The following OXR1 variants were observed in gnomAD, a reference collection of about 807,000 sequenced individuals.
OXR1 encodes the protein oxidation resistance protein 1.
A neutral mutation model predicts 104.6 loss-of-function variants in OXR1; 41 were observed. The ratio of observed to expected loss-of-function variants is 0.39; its 90% CI spans 0.31 to 0.51. The LOEUF (loss-of-function observed/expected upper bound fraction) is 0.51. Among genes scored for constraint, OXR1 ranks in the 20% least tolerant of loss-of-function variants. OXR1 has a pLI of 0.77. For missense variants in OXR1, 955 were observed against 1,031.9 expected, an observed-to-expected ratio of 0.93 and a Z score of 1.02; for synonymous variants, 348 against 348.4, an observed-to-expected ratio of 1.00 and a Z score of 0.01.
rs1200756405 is a variant in OXR1, at chr8:106,313,602, GA to G, written c.-139+43236del. ...GCATGATACACCATTGCTGTTTTGT[GA>G]TGAGGAAGAACCTACCAATCCAATG... is the stretch of plus-strand genomic sequence containing the variant. On this transcript the variant is annotated intron_variant, in intron 1 of 16. Transcript: ENST00000517566. Among the ~76,000 whole-genome samples, 3 of 150,340 alleles carry G rather than the reference GA, an allele frequency of 2.0e-5. No individual in the cohort carries two copies. In the East Asian group the frequency reaches 5.9e-4, roughly 29 times the overall value.
At chr8:106,549,244 A>ATTTT (rs11420902) in intron 3 of OXR1, among the ~76,000 whole-genome samples, 1 of 144,088 alleles carries the variant, frequency 6.9e-6, no homozygotes, top group Admixed American at 7.0e-5. Context: ...CATATCAAAC[A>ATTTT]TTTTTTTTTT....
intron 3 of OXR1, among the ~76,000 whole-genome samples, chr8:106,675,191 G>C (rs1827448033): frequency 6.6e-6 from 1 of 152,110 alleles, no homozygotes; most frequent in South Asian, 2.1e-4. Flanking sequence ...GACCTACTGG[G>C]AACCAAATAA....
intron 3 of OXR1, among the ~76,000 whole-genome samples, chr8:106,647,920 T>C (rs1181440290): frequency 6.6e-6 from 1 of 152,256 alleles, no homozygotes; most frequent in East Asian, 1.9e-4. Context: ...TAGCTAGCCT[T>C]ATAATGAGAA....
intron 6 of OXR1, among the ~76,000 whole-genome samples, chr8:106,686,101 A>G (rs1356687918): frequency 2.0e-5 from 3 of 152,144 alleles, no homozygotes; most frequent in Non-Finnish European, 4.4e-5. Context: ...TAAGAATGAT[A>G]TAGTGGACTT....
chr8:106,748,965 A>G (rs1041847995), intron 16 of OXR1, among the ~76,000 whole-genome samples: 11 of 152,142 alleles, frequency 7.2e-5, no homozygotes, highest in African/African-American at 2.7e-4. Context: ...TGTAATTAAT[A>G]TACATTATAT....
chr8:106,646,762 GGC>G lies in OXR1; in HGVS notation c.221-32447_221-32446del, dbSNP rs1824121314. On this transcript the variant is annotated intron_variant, in intron 3 of 16. Coordinates refer to ENST00000517566, the MANE Select transcript of OXR1 (RefSeq NM_001198533.2). ...CTACTGCAACCTCAAAGAAAGTGCA[GGC>G]AGGAAAAGAAATCTGCAGAAGAAAG... is the stretch of plus-strand genomic sequence containing the variant. Among the ~76,000 whole-genome samples the G allele has an allele frequency of 2.0e-5, 3 of 152,170 alleles. 1 individual carries two copies. Among genetic ancestry groups the G allele is most frequent in the Admixed American group, 2.0e-4 (3 of 15,276 alleles).
intron 3 of OXR1, among the ~76,000 whole-genome samples, chr8:106,570,585 T>C (rs1817401367): frequency 6.6e-6 from 1 of 152,144 alleles, no homozygotes; most frequent in Non-Finnish European, 1.5e-5. Context: ...CTTGAGACTG[T>C]TCTCTCTTCT....
intron 2 of OXR1, among the ~76,000 whole-genome samples, chr8:106,490,822 G>T (rs1449780820): frequency 2.0e-5 from 3 of 152,176 alleles, no homozygotes; most frequent in Non-Finnish European, 1.5e-5. Flanking sequence ...AAGCACAAGA[G>T]AAGGATAAGA....
chr8:106,726,345 A>G (rs1477027824), intron 11 of OXR1: 2 of 1,079,660 alleles, frequency 1.9e-6, no homozygotes, highest in Admixed American at 5.4e-5. Context: ...TTGTATATAT[A>G]CTAGTCTTTT....
chr8:106,731,172 A>T (rs1203873711), intron 11 of OXR1, among the ~76,000 whole-genome samples: 1 of 152,144 alleles, frequency 6.6e-6, no homozygotes, highest in Non-Finnish European at 1.5e-5. Flanking sequence ...ATCTTCTTTA[A>T]TGAGATGTTT....
rs375747778 is a variant in OXR1 at position 106,362,345 on chromosome 8, G to A, written c.23+2709G>A. Among the ~76,000 whole-genome samples the A allele has an allele frequency of 7.9e-5, 12 of 152,174 alleles. No homozygotes were observed. In the East Asian group the frequency reaches 1.7e-3, roughly 22 times the overall value. On this transcript the variant is annotated intron_variant, in intron 2 of 16. Transcript: ENST00000517566. ...GTGCAGGATGCCTGTTGTGACTCTC[G>A]TAGAAAACCTAGGAATTTTAAAAGC...
At chr8:106,744,058 G>A (rs1461235217) in intron 15 of OXR1, among the ~76,000 whole-genome samples, 2 of 152,172 alleles carry the variant, frequency 1.3e-5, no homozygotes, top group Non-Finnish European at 2.9e-5. Flanking sequence ...GAGGGTGTGG[G>A]GAGGGAGAGG....
At chr8:106,711,194 GT>G (rs1831647020) in intron 10 of OXR1, among the ~76,000 whole-genome samples, 1 of 152,014 alleles carries the variant, frequency 6.6e-6, no homozygotes. Flanking sequence ...AAAGGATGTA[GT>G]GGTCTTCACA....
intron 1 of OXR1, among the ~76,000 whole-genome samples, chr8:106,278,333 G>A (rs1175278460): frequency 6.6e-6 from 1 of 152,122 alleles, no homozygotes; most frequent in African/African-American, 2.4e-5. Context: ...CATGTAAATT[G>A]TTAATCTAAC....
At chr8:106,397,518 A>G (rs577757681) in intron 2 of OXR1, among the ~76,000 whole-genome samples, 2 of 152,158 alleles carry the variant, frequency 1.3e-5, no homozygotes, top group South Asian at 4.1e-4. Context: ...TTTATTACTT[A>G]TAGTCTCCGT....
intron 1 of OXR1, among the ~76,000 whole-genome samples, chr8:106,298,181 G>A (rs1476003888): frequency 6.6e-6 from 1 of 152,114 alleles, no homozygotes; most frequent in South Asian, 2.1e-4. Context: ...ATCTGTATTA[G>A]TCTGTTCTTA....
chr8:106,526,912 G>T (rs779399761), intron 3 of OXR1, among the ~76,000 whole-genome samples: 27 of 152,302 alleles, frequency 1.8e-4, no homozygotes, highest in Non-Finnish European at 1.5e-4. Flanking sequence ...AGCTCTCAAA[G>T]ATCCTAATTT....
chr8:106,547,063 G>C (rs911717494), intron 3 of OXR1, among the ~76,000 whole-genome samples: 2 of 152,026 alleles, frequency 1.3e-5, no homozygotes, highest in African/African-American at 4.8e-5. Flanking sequence ...GCTAATTTTT[G>C]TATTTTTAGT....
At chr8:106,696,598 A>T (rs963611264) in intron 7 of OXR1, among the ~76,000 whole-genome samples, 15 of 152,174 alleles carry the variant, frequency 9.9e-5, no homozygotes, top group Admixed American at 9.8e-4. Flanking sequence ...GGGAATCCCT[A>T]TTCCACAGCC....
Sources: gnomAD v4.1 joint callset for allele counts (sites outside exome capture counted in the v4.1 genomes callset) on GRCh38, gnomAD v4.1.1 for gene constraint, MANE v1.5 for transcripts, NCBI Gene and HGNC (gene_info 2026-07-23, HGNC 2026-07-21) for gene names.